Variants in METAP2 observed in about 807,000 individuals in gnomAD.
METAP2 encodes methionyl aminopeptidase 2, also known as methionine aminopeptidase 2.
A neutral mutation model predicts 59.4 loss-of-function variants in METAP2; 25 were observed. The observed-to-expected ratio is 0.42, with a 90% CI of 0.31 to 0.59. The LOEUF (loss-of-function observed/expected upper bound fraction) is 0.59. Among genes scored for constraint, METAP2 ranks in the 20% least tolerant of loss-of-function variants. The pLI, the probability that METAP2 is intolerant of heterozygous loss-of-function variation, is 0.16. For synonymous variants in METAP2, 214 were observed against 194.1 expected (o/e 1.10, Z -0.85); for missense variants, 366 against 581.2 (o/e 0.63, Z 3.81).
intron 7 of METAP2, among the ~76,000 whole-genome samples, chr12:95,498,712 C>A (rs534358788): frequency 6.6e-6 from 1 of 152,156 alleles, no homozygotes; most frequent in African/African-American, 2.4e-5. Flanking sequence ...GGTTTTGACA[C>A]CCTTGTCAAA....
chr12:95,497,318 G>C (rs1251619904), intron 7 of METAP2, among the ~76,000 whole-genome samples: 1 of 152,088 alleles, frequency 6.6e-6, no homozygotes, highest in Non-Finnish European at 1.5e-5. Flanking sequence ...ACTGCTGTAA[G>C]TACCTCATAT....
intron 7 of METAP2, among the ~76,000 whole-genome samples, chr12:95,498,655 C>T (rs2076293535): frequency 6.6e-6 from 1 of 152,142 alleles, no homozygotes; most frequent in Non-Finnish European, 1.5e-5. Context: ...TGTGAATGTC[C>T]AGTTTTCCCA....
In METAP2 at chr12:95,513,986, TGTC is replaced by T; in HGVS notation, c.*83_*85del. The T allele has an allele frequency of 6.8e-7, 1 of 1,473,538 alleles. No individual in the cohort carries two copies. The highest frequency in any genetic ancestry group is 1.3e-5 in the South Asian group (1 of 74,820). 91.3% of individuals were successfully genotyped at this position (1,473,538 alleles called of 1,614,324 possible). A position where few individuals can be genotyped will look rare whatever the true frequency, so the allele number is the denominator to read the frequency against. ...ATACCAGAATTAATTTGCCACATGTTGTCTGTTTTAACAGTGGACCCATGTAAT... is the reference window on the plus strand; with the variant it reads ...ATACCAGAATTAATTTGCCACATGTTTGTTTTAACAGTGGACCCATGTAAT... On this transcript the variant is annotated 3_prime_UTR_variant, in exon 11 of 11. Coordinates refer to ENST00000323666, the MANE Select transcript of METAP2 (RefSeq NM_006838.4).
intron 4 of METAP2, among the ~76,000 whole-genome samples, chr12:95,488,669 A>G (rs957916149): frequency 6.6e-6 from 1 of 152,018 alleles, no homozygotes; most frequent in Non-Finnish European, 1.5e-5. Flanking sequence ...TCCAGTGCAG[A>G]GTCAGTTTAT....
chr12:95,505,993 A>G (rs1231804699), intron 8 of METAP2, among the ~76,000 whole-genome samples: 1 of 150,964 alleles, frequency 6.6e-6, no homozygotes, highest in Non-Finnish European at 1.5e-5. Context: ...GCTACTCGGG[A>G]GGCTGAGGCA....
intron 8 of METAP2, 42 bp from the exon 9 acceptor site, chr12:95,511,853 T>G: frequency 6.4e-4 from 888 of 1,397,196 alleles, no homozygotes; most frequent in Non-Finnish European, 8.2e-4. Context: ...TTTTGCTTCT[T>G]GAGATCCTGA....
chr12:95,490,009 T>C (rs1309754836), intron 4 of METAP2, among the ~76,000 whole-genome samples: 4 of 152,200 alleles, frequency 2.6e-5, no homozygotes, highest in Admixed American at 2.6e-4. Context: ...TATTGTCATA[T>C]ACAAATAACA....
intron 1 of METAP2, among the ~76,000 whole-genome samples, chr12:95,475,300 G>A (rs1261526465): frequency 6.6e-6 from 1 of 152,190 alleles, no homozygotes; most frequent in Non-Finnish European, 1.5e-5. Context: ...GATTAGATAG[G>A]AATGGAAGGA....
chr12:95,480,169 G>A (rs1304057056), intron 2 of METAP2, among the ~76,000 whole-genome samples: 10 of 152,106 alleles, frequency 6.6e-5, no homozygotes, highest in Admixed American at 6.5e-4. Context: ...TTTGTGTTTG[G>A]CTTGTTTTAC....
At chr12:95,479,792 A>G (rs1750913952) in intron 2 of METAP2, among the ~76,000 whole-genome samples, 1 of 152,032 alleles carries the variant, frequency 6.6e-6, no homozygotes, top group Non-Finnish European at 1.5e-5. Flanking sequence ...TATTTTTAGT[A>G]GAGACAGGGT....
chr12:95,497,461 C>T (rs1212640971), intron 7 of METAP2, among the ~76,000 whole-genome samples: 4 of 152,190 alleles, frequency 2.6e-5, no homozygotes, highest in Non-Finnish European at 5.9e-5. Flanking sequence ...CACATTTTTG[C>T]TTATCCATTC....
Position 95,496,118 on chromosome 12 carries a change from C to G in METAP2, c.867+20C>G. ...ATAAAGGTATGTGAACTGTAAGCAC[C>G]ATTTCATTCCCAATATTTTGAGCAC... is the stretch of plus-strand genomic sequence containing the variant. On this transcript the variant is annotated intron_variant, in intron 7 of 10. Transcript: ENST00000323666. 1 of 1,443,926 alleles carries G rather than the reference C, an allele frequency of 6.9e-7. No individual in the cohort carries two copies. Among genetic ancestry groups the G allele is most frequent in the African/African-American group, 1.4e-5 (1 of 71,168 alleles). 89.4% of individuals were successfully genotyped at this position (1,443,926 alleles called of 1,614,324 possible).
At chr12:95,500,401 C>A (rs2076306644) in intron 7 of METAP2, among the ~76,000 whole-genome samples, 1 of 152,052 alleles carries the variant, frequency 6.6e-6, no homozygotes, top group South Asian at 2.1e-4. Context: ...ATTTTTCTTG[C>A]CTGATTGTTC....
At chr12:95,497,132 A>G (rs555076436) in intron 7 of METAP2, among the ~76,000 whole-genome samples, 1 of 152,126 alleles carries the variant, frequency 6.6e-6, no homozygotes, top group South Asian at 2.1e-4. Flanking sequence ...GCCATTTTTA[A>G]GTATGTTGTT....
intron 9 of METAP2, among the ~76,000 whole-genome samples, chr12:95,512,587 C>T (rs556360828): frequency 1.8e-4 from 28 of 152,228 alleles, no homozygotes; most frequent in Non-Finnish European, 2.2e-4. Flanking sequence ...TGGCACGTGC[C>T]TGTAGTCCCA....
chr12:95,475,438 A>AT (rs1419558601), intron 1 of METAP2, among the ~76,000 whole-genome samples: 2 of 152,126 alleles, frequency 1.3e-5, no homozygotes, highest in Non-Finnish European at 2.9e-5. Flanking sequence ...ATCCTAATGT[A>AT]TTTTTAACAG....
At chr12:95,494,917 A>C (rs765192427) in intron 5 of METAP2, 40 bp from the exon 6 acceptor site, 2 of 1,547,908 alleles carry the variant, frequency 1.3e-6, no homozygotes, top group Non-Finnish European at 1.8e-6. Context: ...AAAAGTAAGA[A>C]TGTAAAAGTA....
chr12:95,487,532 T>G (rs1345147157), intron 4 of METAP2, among the ~76,000 whole-genome samples: 1 of 151,996 alleles, frequency 6.6e-6, no homozygotes, highest in African/African-American at 2.4e-5. Flanking sequence ...AATTTTACAT[T>G]AATAAATTCT....
At chr12:95,483,856 A>T (rs191601558) in intron 3 of METAP2, among the ~76,000 whole-genome samples, 138 of 152,248 alleles carry the variant, frequency 9.1e-4, no homozygotes, top group African/African-American at 3.2e-3. Context: ...AAATTATGAG[A>T]TTCTTGATGA....
Sources: allele counts gnomAD v4.1 joint callset (sites outside exome capture counted in the v4.1 genomes callset), GRCh38; gene constraint gnomAD v4.1.1; transcripts MANE v1.5; gene names NCBI Gene and HGNC (gene_info 2026-07-23, HGNC 2026-07-21).